EMCN: variants seen among roughly 807,000 people sequenced by gnomAD.
EMCN encodes the protein MUC-14.
EMCN carries 37 observed loss-of-function variants against 38.4 expected under a neutral mutation model. That is an observed-to-expected ratio of 0.96 (90% CI 0.74 to 1.27). EMCN has a LOEUF of 1.27. EMCN is among the 50% of genes most tolerant of loss of function. The pLI is 0.00. For missense variants in EMCN, 318 were observed against 302.8 expected (o/e 1.05, Z -0.37); for synonymous variants, 95 against 100.8 (o/e 0.94, Z 0.35).
chr4:100,435,860 C>T (rs1727338715), intron 5 of EMCN, among the ~76,000 whole-genome samples: 1 of 152,052 alleles, frequency 6.6e-6, no homozygotes, highest in African/African-American at 2.4e-5. Flanking sequence ...TTCCTTATAC[C>T]TTATACAAAA....
At chr4:100,430,709 G>T (rs898620377) in intron 5 of EMCN, among the ~76,000 whole-genome samples, 2 of 152,052 alleles carry the variant, frequency 1.3e-5, no homozygotes, top group Non-Finnish European at 2.9e-5. Flanking sequence ...TTTGAGATTC[G>T]GTAGATCCCT....
chr4:100,447,514 CAG>C lies in EMCN; in HGVS notation c.415+17_415+18del, dbSNP rs773646251. ...ACCCATGAAAATACTAAGAGAGAGA[CAG>C]AGAAAAAAGAGCTTACCTGGTATTT... is the stretch of plus-strand genomic sequence containing the variant. On this transcript the variant is annotated intron_variant, in intron 5 of 11. Coordinates refer to ENST00000296420, the MANE Select transcript of EMCN (RefSeq NM_016242.4). 211 of 1,578,072 alleles carry C rather than the reference CAG, an allele frequency of 1.3e-4. No homozygotes were observed. The highest frequency in any genetic ancestry group is 1.8e-4 in the Non-Finnish European group (202 of 1,149,808).
At chr4:100,449,523 C>T (rs1727780024) in intron 4 of EMCN, among the ~76,000 whole-genome samples, 1 of 151,970 alleles carries the variant, frequency 6.6e-6, no homozygotes, top group South Asian at 2.1e-4. Context: ...TTGAACATGG[C>T]ATTATGCTGC....
intron 1 of EMCN, among the ~76,000 whole-genome samples, chr4:100,510,624 T>A (rs981157693): frequency 1.3e-5 from 2 of 152,154 alleles, no homozygotes; most frequent in African/African-American, 4.8e-5. Context: ...TCTTCCAATA[T>A]CCCTATGAGG....
At chr4:100,489,332 G>A (rs952377276) in intron 1 of EMCN, among the ~76,000 whole-genome samples, 1 of 152,106 alleles carries the variant, frequency 6.6e-6, no homozygotes, top group Non-Finnish European at 1.5e-5. Context: ...TAACAAATTA[G>A]GGTATATGAT....
chr4:100,437,744 T>C (rs1727397133), intron 5 of EMCN, among the ~76,000 whole-genome samples: 1 of 152,178 alleles, frequency 6.6e-6, no homozygotes, highest in African/African-American at 2.4e-5. Context: ...GGGATCTTTA[T>C]TCTGTTTCAC....
At chr4:100,502,007 T>G (rs186267326) in intron 1 of EMCN, among the ~76,000 whole-genome samples, 216 of 152,172 alleles carry the variant, frequency 1.4e-3, no homozygotes, top group African/African-American at 5.0e-3. Flanking sequence ...AGTAGAAAAT[T>G]TAATAGGCGA....
At chr4:100,506,680 AAC>A (rs1274703083) in intron 1 of EMCN, among the ~76,000 whole-genome samples, 1 of 152,160 alleles carries the variant, frequency 6.6e-6, no homozygotes, top group Non-Finnish European at 1.5e-5. Flanking sequence ...ATGGTCATAA[AAC>A]ACACCTGGTA....
At chr4:100,447,470 GT>G in intron 5 of EMCN, 62 bp downstream of exon 5, 1 of 1,164,608 alleles carries the variant, frequency 8.6e-7, no homozygotes. Context: ...GGTGTAATTT[GT>G]TTTATTCTTG....
At chr4:100,460,993 C>T (rs1425002092) in intron 4 of EMCN, among the ~76,000 whole-genome samples, 1 of 152,116 alleles carries the variant, frequency 6.6e-6, no homozygotes, top group African/African-American at 2.4e-5. Context: ...CATTGTGTAT[C>T]CAATTAGAAT....
intron 5 of EMCN, among the ~76,000 whole-genome samples, chr4:100,433,634 CA>C (rs549790664): frequency 2.5e-3 from 377 of 152,062 alleles, no homozygotes; most frequent in Non-Finnish European, 4.4e-3. Context: ...CTTCCAGGTT[CA>C]AATGATTCTC....
chr4:100,504,850 G>T (rs527586421), intron 1 of EMCN, among the ~76,000 whole-genome samples: 1 of 152,324 alleles, frequency 6.6e-6, no homozygotes, highest in South Asian at 2.1e-4. Context: ...GGGCCTGACT[G>T]ATGTCAGGCC....
Position 100,491,265 on chromosome 4 carries a change from G to T in EMCN, c.65-11226C>A, listed in dbSNP as rs145293864. 4.9e-3 allele frequency among the ~76,000 whole-genome samples: 753 copies of T among 152,242 alleles called. 1 individual carries two copies. Among genetic ancestry groups the T allele is most frequent in the Non-Finnish European group, 8.2e-3 (557 of 68,012 alleles). ...TCTCTATTCTGTTCCATAGGTTGATGAATCTACTCTTACGCTAGCACTATA... is the reference window on the plus strand; with the variant it reads ...TCTCTATTCTGTTCCATAGGTTGATTAATCTACTCTTACGCTAGCACTATA... On this transcript the variant is annotated intron_variant, in intron 1 of 11. Transcript: ENST00000296420.
chr4:100,433,710 A>G (rs1197149295), intron 5 of EMCN, among the ~76,000 whole-genome samples: 1 of 151,720 alleles, frequency 6.6e-6, no homozygotes, highest in Non-Finnish European at 1.5e-5. Flanking sequence ...CAATTTTTGT[A>G]TTTTTAGTAG....
chr4:100,459,989 G>A (rs531791604), intron 4 of EMCN, among the ~76,000 whole-genome samples: 1 of 152,114 alleles, frequency 6.6e-6, no homozygotes, highest in South Asian at 2.1e-4. Flanking sequence ...TTAATTTTGG[G>A]GGAATATCCA....
intron 2 of EMCN, among the ~76,000 whole-genome samples, chr4:100,477,000 C>A (rs1430658919): frequency 6.6e-6 from 1 of 152,072 alleles, no homozygotes; most frequent in East Asian, 1.9e-4. Context: ...ATAGTTGTAT[C>A]TAGTTAGTTT....
intron 4 of EMCN, among the ~76,000 whole-genome samples, chr4:100,451,189 T>A (rs921059209): frequency 5.3e-5 from 8 of 151,880 alleles, no homozygotes; most frequent in Non-Finnish European, 2.9e-5. Flanking sequence ...AACTGGTTTT[T>A]CATTTATGGT....
chr4:100,436,140 T>C (rs1722233704), intron 5 of EMCN, among the ~76,000 whole-genome samples: 1 of 151,120 alleles, frequency 6.6e-6, no homozygotes, highest in African/African-American at 2.4e-5. Flanking sequence ...ATGATAAAAG[T>C]GTAATATCCA....
At position 100,423,004 on chromosome 4, in the gene EMCN, G is replaced by T. The variant is rs1286576041; in HGVS notation, c.568+17C>A. Reference sequence around the variant, plus strand: ...TGCATATCTACTGCCATGAATGAAGGCATTGCTGTTACTCACTGGAATAAG... The same window carrying T: ...TGCATATCTACTGCCATGAATGAAGTCATTGCTGTTACTCACTGGAATAAG... On this transcript the variant is annotated intron_variant, in intron 7 of 11. Transcript: ENST00000296420. 1.9e-6 allele frequency: 3 copies of T among 1,611,210 alleles called. No individual in the cohort carries two copies. The highest frequency in any genetic ancestry group is 2.5e-6 in the Non-Finnish European group (3 of 1,177,856).
Sources: gnomAD v4.1 joint callset for allele counts (sites outside exome capture counted in the v4.1 genomes callset) on GRCh38, gnomAD v4.1.1 for gene constraint, MANE v1.5 for transcripts, NCBI Gene and HGNC (gene_info 2026-07-23, HGNC 2026-07-21) for gene names.